Variants in PTCSC3 observed in about 807,000 individuals in gnomAD.
PTCSC3 encodes the protein papillary thyroid carcinoma susceptibility candidate 3.
At chr14:36,159,690 T>C (rs1034391254) in intron 2 of PTCSC3, among the ~76,000 whole-genome samples, 2 of 152,194 alleles carry the variant, frequency 1.3e-5, no homozygotes, top group Non-Finnish European at 2.9e-5. Context: ...GAATAAGTGC[T>C]ATGTGATGCT....
intron 2 of PTCSC3, chr14:36,162,539 C>G (rs1009502454): frequency 6.6e-6 from 1 of 152,276 alleles, no homozygotes; most frequent in Admixed American, 6.5e-5. Context: ...TGCTTTGGCT[C>G]GCCCTCCGTG....
chr14:36,148,528 G>T (rs1404105221), intron 3 of PTCSC3, among the ~76,000 whole-genome samples: 2 of 152,220 alleles, frequency 1.3e-5, no homozygotes, highest in Non-Finnish European at 2.9e-5. Flanking sequence ...CGGCTAGCGT[G>T]CAGTGTGTGC....
At chr14:36,160,523 A>G (rs1881931901) in intron 2 of PTCSC3, among the ~76,000 whole-genome samples, 1 of 151,866 alleles carries the variant, frequency 6.6e-6, no homozygotes, top group Non-Finnish European at 1.5e-5. Flanking sequence ...TGGGTTGAAA[A>G]TTATTTTAAG....
Position 36,161,952 on chromosome 14 carries a change from C to A in PTCSC3, n.231+672G>T, listed in dbSNP as rs77988576. ...ACGCAGTCTGGCTGCAGTGGCTTTG[C>A]GGAGCTGCGGTGGGCGTCTCCAAGT... On this transcript the variant is annotated intron_variant and non_coding_transcript_variant, in intron 2 of 3. Transcript: ENST00000556013. Among the ~76,000 whole-genome samples the A allele has an allele frequency of 6.3e-3, 965 of 152,290 alleles. 16 individuals carry two copies. Among genetic ancestry groups the A allele is most frequent in the Non-Finnish European group, 5.4e-3 (370 of 68,016 alleles).
intron 1 of PTCSC3, among the ~76,000 whole-genome samples, chr14:36,163,002 C>T (rs1392845309): frequency 6.6e-6 from 1 of 151,792 alleles, no homozygotes; most frequent in Non-Finnish European, 1.5e-5. Context: ...GCTATCTTTA[C>T]ATAATAGCTG....
chr14:36,157,505 T>G (rs149255583), intron 2 of PTCSC3, among the ~76,000 whole-genome samples: 1 of 152,200 alleles, frequency 6.6e-6, no homozygotes, highest in Admixed American at 6.5e-5. Flanking sequence ...ATTGCCTAGG[T>G]TTTTTTCTAG....
At chr14:36,176,719 C>T (rs1198348487), upstream of PTCSC3, among the ~76,000 whole-genome samples, 3 of 152,164 alleles carry the variant, frequency 2.0e-5, no homozygotes, top group African/African-American at 4.8e-5. Flanking sequence ...GGTGAATGTG[C>T]GTTATGGACT....
chr14:36,162,258 GAAAAAAAAAA>G (rs58223160), intron 2 of PTCSC3, among the ~76,000 whole-genome samples: 106 of 106,520 alleles, frequency 1.0e-3, no homozygotes, highest in Middle Eastern at 4.9e-3. Context: ...CTGGGGTATG[GAAAAAAAAAA>G]AAAAAAAAAA....
chr14:36,148,087 A>T (rs1214632490), intron 3 of PTCSC3, among the ~76,000 whole-genome samples: 1 of 152,092 alleles, frequency 6.6e-6, no homozygotes, highest in African/African-American at 2.4e-5. Flanking sequence ...AGGGACATTT[A>T]AGTCTGCAGA....
chr14:36,172,374 C>T (rs991570845), intron 1 of PTCSC3, among the ~76,000 whole-genome samples: 3 of 151,972 alleles, frequency 2.0e-5, no homozygotes, highest in Non-Finnish European at 4.4e-5. Flanking sequence ...CAGTGTCTAG[C>T]TCAAAAATTT....
chr14:36,148,484 G>T (rs375978225), intron 3 of PTCSC3, among the ~76,000 whole-genome samples: 2 of 152,090 alleles, frequency 1.3e-5, no homozygotes, highest in East Asian at 1.9e-4. Context: ...TGACCCCTTG[G>T]GCTTCCCAAG....
chr14:36,157,716 T>G (rs948494121), intron 2 of PTCSC3, among the ~76,000 whole-genome samples: 2 of 152,182 alleles, frequency 1.3e-5, no homozygotes, highest in African/African-American at 4.8e-5. Flanking sequence ...ATCTTTTTGC[T>G]TAGGATTGTC....
In PTCSC3 at chr14:36,171,261, T is replaced by C. The variant is rs146840540; in HGVS notation, n.171+5037A>G. ...GAGGTCTAATGGTGATTGAGTGCGA[T>C]TATAAACACACTATCTAGCTGCCAT... On this transcript the variant is annotated intron_variant and non_coding_transcript_variant, in intron 1 of 3. Coordinates refer to ENST00000556013, the Ensembl canonical transcript of PTCSC3. 8.6e-3 allele frequency among the ~76,000 whole-genome samples: 1,310 copies of C among 152,282 alleles called. 9 individuals carry two copies. The highest frequency in any genetic ancestry group is 0.013 in the Non-Finnish European group (917 of 68,006).
intron 1 of PTCSC3, among the ~76,000 whole-genome samples, chr14:36,175,880 C>G (rs1489050736): frequency 1.3e-5 from 2 of 152,156 alleles, no homozygotes; most frequent in African/African-American, 4.8e-5. Flanking sequence ...CAGAATTAAA[C>G]AGGTTTCCAA....
chr14:36,175,540 A>C (rs542826879), intron 1 of PTCSC3, among the ~76,000 whole-genome samples: 2 of 152,344 alleles, frequency 1.3e-5, no homozygotes, highest in Admixed American at 1.3e-4. Flanking sequence ...GCAAAAACTC[A>C]AAAGTTCATG....
At chr14:36,140,085 A>G (rs2139087396) in intron 3 of PTCSC3, among the ~76,000 whole-genome samples, 1 of 152,348 alleles carries the variant, frequency 6.6e-6, no homozygotes, top group East Asian at 1.9e-4. Flanking sequence ...GGAATGACAG[A>G]GTATGTAAAC....
chr14:36,135,694 C>T (rs1263902115), downstream of PTCSC3, among the ~76,000 whole-genome samples: 3 of 152,092 alleles, frequency 2.0e-5, no homozygotes, highest in South Asian at 2.1e-4. Context: ...ATTGAAAATG[C>T]ACAAACTTGT....
chr14:36,147,331 G>T (rs1881599777), intron 3 of PTCSC3, among the ~76,000 whole-genome samples: 1 of 152,036 alleles, frequency 6.6e-6, no homozygotes, highest in African/African-American at 2.4e-5. Flanking sequence ...TTTTCACATA[G>T]TCCCATATTT....
chr14:36,141,182 TG>T lies in PTCSC3; in HGVS notation n.323-4827del, dbSNP rs377535148. 3.3e-3 allele frequency among the ~76,000 whole-genome samples: 507 copies of T among 152,302 alleles called. 3 individuals carry two copies. Among genetic ancestry groups the T allele is most frequent in the African/African-American group, 0.012 (482 of 41,558 alleles). ...AATAAGGTAGTGTCAGTTTTCAGATTGTTTTTATTCTTTGATATTGTATTGG... is the reference window on the plus strand; with the variant it reads ...AATAAGGTAGTGTCAGTTTTCAGATTTTTTTATTCTTTGATATTGTATTGG... On this transcript the variant is annotated intron_variant and non_coding_transcript_variant, in intron 3 of 3. Coordinates refer to ENST00000556013, the Ensembl canonical transcript of PTCSC3.
Sources: allele counts gnomAD v4.1 joint callset (sites outside exome capture counted in the v4.1 genomes callset), GRCh38; gene constraint gnomAD v4.1.1; transcripts MANE v1.5; gene names NCBI Gene and HGNC (gene_info 2026-07-23, HGNC 2026-07-21).